The following DPH6 variants were observed in gnomAD, a reference collection of about 807,000 sequenced individuals.
The protein encoded by DPH6 is diphthine--ammonia ligase.
In DPH6, 33 loss-of-function variants were observed where a neutral mutation model predicts 38.2. The ratio of observed to expected loss-of-function variants is 0.86; its 90% confidence interval spans 0.65 to 1.15. The LOEUF is 1.15. Among genes scored for constraint, DPH6 ranks in the 50% most tolerant of loss-of-function variants. The probability of loss-of-function intolerance (pLI) is 0.00; values close to 1 mark genes in which losing one functional copy is unlikely to be tolerated. For missense variants in DPH6, 325 were observed against 320.0 expected, an observed-to-expected ratio of 1.02 and a Z score of -0.12; for synonymous variants, 108 against 103.0, an observed-to-expected ratio of 1.05 and a Z score of -0.30.
At chr15:35,248,055 T>C (rs1203381904) in intron 3 of DPH6, among the ~76,000 whole-genome samples, 3 of 152,210 alleles carry the variant, frequency 2.0e-5, no homozygotes, top group South Asian at 2.1e-4. Flanking sequence ...GCAATCTTTA[T>C]GTACTAAAAA....
intron 5 of DPH6, among the ~76,000 whole-genome samples, chr15:35,414,213 ATC>A (rs2053407879): frequency 6.6e-6 from 1 of 151,686 alleles, no homozygotes; most frequent in South Asian, 2.1e-4. Context: ...TTCACTGATG[ATC>A]TGTGAGTGGT....
At chr15:35,472,183 A>G (rs2054207163) in intron 3 of DPH6, among the ~76,000 whole-genome samples, 2 of 152,184 alleles carry the variant, frequency 1.3e-5, no homozygotes, top group Non-Finnish European at 2.9e-5. Context: ...GAAAAATAAA[A>G]TACTCTAAAT....
intron 5 of DPH6, among the ~76,000 whole-genome samples, chr15:35,420,259 C>T (rs1327686480): frequency 2.0e-5 from 3 of 151,796 alleles, no homozygotes; most frequent in Non-Finnish European, 2.9e-5. Flanking sequence ...AAAAAAAATG[C>T]GAACACAATA....
chr15:35,261,014 T>C (rs973208834), intron 3 of DPH6, among the ~76,000 whole-genome samples: 14 of 152,236 alleles, frequency 9.2e-5, no homozygotes, highest in African/African-American at 2.9e-4. Flanking sequence ...GTCTTGACTA[T>C]TGATTTACAT....
Position 35,371,986 on chromosome 15 carries a change from C to A in DPH6, c.*164G>T. 7.6e-7 allele frequency: 1 copy of A among 1,323,512 alleles called. No homozygotes were observed. 82.0% of individuals were successfully genotyped at this position (1,323,512 alleles called of 1,614,324 possible). ...TAATGAACATGCCGTCGACATTTTC[C>A]CAATTAATAAATGGTTCCACTAACC... On this transcript the variant is annotated 3_prime_UTR_variant, in exon 9 of 9. Coordinates refer to ENST00000256538, the MANE Select transcript of DPH6 (RefSeq NM_080650.4).
At chr15:35,270,381 G>GT (rs1356222096) in intron 3 of DPH6, among the ~76,000 whole-genome samples, 2 of 152,136 alleles carry the variant, frequency 1.3e-5, no homozygotes, top group African/African-American at 4.8e-5. Flanking sequence ...TATCTGTATT[G>GT]TAAGTTAAAG....
In DPH6 at chr15:35,410,837, C is replaced by T. The variant is rs771154609; in HGVS notation, c.565G>A (p.Glu189Lys). The part of the protein sequence containing the change: ...TLDQMEPYLI[E>K]LSKKYGVHVC... ...TGAGATCTAGTATAAATTCTTACCT[C>T]TATGAGATAAGGCTCCATTTGATCC... The change falls in exon 6 of 9, where the codon GAG becomes AAG. Residue 189 changes from glutamate to lysine, a missense_variant and splice_region_variant. Coordinates refer to ENST00000256538, the MANE Select transcript of DPH6 (RefSeq NM_080650.4). 6.3e-7 allele frequency: 1 copy of T among 1,598,896 alleles called. No homozygotes were observed. The highest frequency in any genetic ancestry group is 2.3e-5 in the East Asian group (1 of 44,062).
rs151225684 is a variant in DPH6, at chr15:35,379,523, T to C, written c.662+2299A>G. On this transcript the variant is annotated intron_variant, in intron 7 of 8. Transcript: ENST00000256538. ...CTAAGCTCATCTTTTAATTGTATTA[T>C]ATGGAAGATTATATCTAAATAATAT... Among the ~76,000 whole-genome samples, 450 of 152,382 alleles carry C rather than the reference T, an allele frequency of 3.0e-3. 1 individual carries two copies. Among genetic ancestry groups the C allele is most frequent in the African/African-American group, 1.0e-2 (414 of 41,594 alleles).
At chr15:35,402,378 T>C (rs1595533386) in intron 6 of DPH6, among the ~76,000 whole-genome samples, 1 of 152,308 alleles carries the variant, frequency 6.6e-6, no homozygotes, top group Non-Finnish European at 1.5e-5. Flanking sequence ...TCCTATGCAA[T>C]ATACCTAAAT....
the DPH6 span, among the ~76,000 whole-genome samples, chr15:35,173,125 C>T: frequency 2.6e-5 from 4 of 152,158 alleles, no homozygotes; most frequent in African/African-American, 9.7e-5. Flanking sequence ...TCCCAGATTT[C>T]TGGGATCAGT....
At chr15:35,396,509 C>G (rs1166491537) in intron 6 of DPH6, 2 of 152,090 alleles carry the variant, frequency 1.3e-5, no homozygotes, top group Non-Finnish European at 2.9e-5. Flanking sequence ...GTTCTCTTAC[C>G]TATAACAATC....
At chr15:35,435,261 A>T (rs1378285) in intron 5 of DPH6, among the ~76,000 whole-genome samples, 35,653 of 152,176 alleles carry the variant, frequency 0.23, 5,870 homozygotes, top group African/African-American at 0.47. Flanking sequence ...ACCTAAAGGT[A>T]TCTCTGTACA....
chr15:35,245,804 G>T (rs945528766), intron 3 of DPH6, among the ~76,000 whole-genome samples: 1 of 152,030 alleles, frequency 6.6e-6, no homozygotes, highest in African/African-American at 2.4e-5. Context: ...AATTTACAGT[G>T]TTACCTATAG....
At chr15:35,262,111 G>A (rs905936522) in intron 3 of DPH6, among the ~76,000 whole-genome samples, 1 of 152,090 alleles carries the variant, frequency 6.6e-6, no homozygotes, top group Non-Finnish European at 1.5e-5. Flanking sequence ...GTGTTAGAAA[G>A]ACTACTCATA....
downstream of DPH6, among the ~76,000 whole-genome samples, chr15:35,328,087 T>C (rs534236053): frequency 1.3e-5 from 2 of 152,306 alleles, no homozygotes; most frequent in South Asian, 2.1e-4. Context: ...TTCCATGTAC[T>C]TGGACGAAGT....
intron 7 of DPH6, among the ~76,000 whole-genome samples, chr15:35,379,334 C>T (rs865824431): frequency 6.6e-6 from 1 of 152,074 alleles, no homozygotes; most frequent in African/African-American, 2.4e-5. Flanking sequence ...TTGAATCAGA[C>T]GTTTGAAGTA....
At chr15:35,282,978 G>C (rs1336992760) in intron 3 of DPH6, 10 of 281,618 alleles carry the variant, frequency 3.6e-5, no homozygotes, top group Admixed American at 2.3e-4. Flanking sequence ...ATCTTGAGCT[G>C]ATCTCCTGAA....
intron 3 of DPH6, among the ~76,000 whole-genome samples, chr15:35,308,061 CAGG>C (rs1438250766): frequency 2.0e-5 from 3 of 151,998 alleles, no homozygotes; most frequent in African/African-American, 4.8e-5. Flanking sequence ...TGCTTGAGGC[CAGG>C]AGTTCAAAAC....
chr15:35,501,664 A>G (rs2054629663), intron 3 of DPH6, among the ~76,000 whole-genome samples: 1 of 152,194 alleles, frequency 6.6e-6, no homozygotes, highest in African/African-American at 2.4e-5. Context: ...ACCATAAAAC[A>G]AAAATCTGGT....
Sources: allele counts gnomAD v4.1 joint callset (sites outside exome capture counted in the v4.1 genomes callset), GRCh38; gene constraint gnomAD v4.1.1; transcripts MANE v1.5; gene names NCBI Gene and HGNC (gene_info 2026-07-23, HGNC 2026-07-21).